MYO7B: variants seen among roughly 807,000 people sequenced by gnomAD.
The protein encoded by MYO7B is unconventional myosin-VIIb.
Under a neutral mutation model 259.7 loss-of-function variants are expected in MYO7B, and 212 were observed. The ratio of observed to expected loss-of-function variants is 0.82; its 90% CI spans 0.73 to 0.91. The LOEUF (loss-of-function observed/expected upper bound fraction) is 0.91, where lower values mean the gene tolerates loss of function less well. MYO7B is among the 40% of genes least tolerant of loss of function. The pLI is 0.00. For missense variants in MYO7B, 2,732 were observed against 2,813.5 expected, an observed-to-expected ratio of 0.97 and a Z score of 0.66; for synonymous variants, 1,197 against 1,166.4, an observed-to-expected ratio of 1.03 and a Z score of -0.54.
chr2:127,552,448 G>A (rs1044104832), intron 1 of MYO7B, among the ~76,000 whole-genome samples: 9 of 152,282 alleles, frequency 5.9e-5, no homozygotes, highest in African/African-American at 2.2e-4. Context: ...TTGTGGTGAG[G>A]AGGGGCGGTG....
Position 127,620,485 on chromosome 2 carries a change from G to T in MYO7B, c.3525+19G>T. 1 of 1,546,612 alleles carries T rather than the reference G, an allele frequency of 6.5e-7. No homozygotes were observed. Among genetic ancestry groups the T allele is most frequent in the South Asian group, 1.2e-5 (1 of 83,254 alleles). On this transcript the variant is annotated intron_variant, in intron 27 of 47. Transcript: ENST00000409816. ...CATGAAGGTGAGAGGGTTCATGAAG[G>T]GAGGGCGGGCAGGGGGCAGGTTCTG...
Position 127,559,575 on chromosome 2 carries a change from T to C in MYO7B, c.-23-125T>C. 1.2e-6 allele frequency: 1 copy of C among 833,980 alleles called. No individual in the cohort carries two copies. The highest frequency in any genetic ancestry group is 2.0e-6 in the Non-Finnish European group (1 of 492,170). The allele number at this position is 833,980 out of a possible 1,614,324, so 51.7% of individuals were successfully genotyped here. ...CATTCATCCATTTATTCAGCATTGT[T>C]TTTGAGCCAGGTCCCATGCCGGGCA... On this transcript the variant is annotated intron_variant, in intron 1 of 47. Coordinates refer to ENST00000409816, the MANE Select transcript of MYO7B (RefSeq NM_001393586.1). The surrounding 1 kb of genome is among the most constrained non-coding windows in gnomAD (Gnocchi z 4.1).
intron 9 of MYO7B, among the ~76,000 whole-genome samples, 167 bp downstream of exon 9, chr2:127,578,453 A>C (rs757232308): frequency 3.9e-5 from 6 of 152,200 alleles, no homozygotes; most frequent in Non-Finnish European, 7.3e-5. Context: ...CTCGTGAGGC[A>C]AAGGGGAAAA....
chr2:127,561,072 C>T (rs1375003233), intron 2 of MYO7B, among the ~76,000 whole-genome samples: 1 of 152,098 alleles, frequency 6.6e-6, no homozygotes, highest in Admixed American at 6.5e-5. Context: ...CACTTTGGAG[C>T]ATGATGTGGT....
In MYO7B at chr2:127,631,378, C is replaced by T. The variant is rs1007579742; in HGVS notation, c.5095+15C>T. 1.9e-6 allele frequency: 3 copies of T among 1,597,292 alleles called. No individual in the cohort carries two copies. Among genetic ancestry groups the T allele is most frequent in the Non-Finnish European group, 2.6e-6 (3 of 1,168,036 alleles). ...GATCTTTGTCGATATCCTTCCCCACCAGCCTGCCTGCACCTCGTCAATGCC... is the reference window on the plus strand; with the variant it reads ...GATCTTTGTCGATATCCTTCCCCACTAGCCTGCCTGCACCTCGTCAATGCC... On this transcript the variant is annotated intron_variant, in intron 37 of 47. Transcript: ENST00000409816.
At position 127,634,297 on chromosome 2, in the gene MYO7B, G is replaced by A. The variant is rs138667548; in HGVS notation, c.5625+8G>A. 2.9e-4 allele frequency: 454 copies of A among 1,554,392 alleles called. 3 individuals carry two copies. The East Asian group carries it at 9.6e-3, about 33-fold the overall frequency. ...ATCAAGATTTCAGACAAGGTGGGCC[G>A]GGCTGGGGCTGGGCAGACGGTGGGC... On this transcript the variant is annotated splice_region_variant and intron_variant, in intron 41 of 47. Transcript: ENST00000409816.
At position 127,613,429 on chromosome 2, in the gene MYO7B, A is replaced by G. The variant is rs911933630; in HGVS notation, c.3398+826A>G. On this transcript the variant is annotated intron_variant, in intron 26 of 47. Transcript: ENST00000409816. This position sits in a 1 kb window ranked among gnomAD's most constrained non-coding sequence, Gnocchi z 4.3. ...TAGAATTTGTATTTGTGTCTTTTTT[A>G]TATTTCTGTGCCAAGATTTCCTATT... 1.3e-5 allele frequency among the ~76,000 whole-genome samples: 2 copies of G among 152,070 alleles called. No individual in the cohort carries two copies. Among genetic ancestry groups the G allele is most frequent in the Non-Finnish European group, 2.9e-5 (2 of 67,992 alleles).
chr2:127,593,441 C>T, intron 17 of MYO7B, 105 bp from the exon 18 acceptor site: 1 of 1,156,948 alleles, frequency 8.6e-7, no homozygotes, highest in African/African-American at 1.5e-5. Context: ...GGCGGCAGCC[C>T]CTGATGGGGG....
rs1207857387 is a variant in MYO7B at position 127,546,801 on chromosome 2, CATCA to C, written c.-24+10974_-24+10977del. Among the ~76,000 whole-genome samples the C allele has an allele frequency of 6.7e-6, 1 of 149,158 alleles. No homozygotes were observed. The highest frequency in any genetic ancestry group is 1.5e-5 in the Non-Finnish European group (1 of 66,802). On this transcript the variant is annotated intron_variant, in intron 1 of 47. Coordinates refer to ENST00000409816, the MANE Select transcript of MYO7B (RefSeq NM_001393586.1). The surrounding 1 kb of genome is among the most constrained non-coding windows in gnomAD (Gnocchi z 4.2). ...CCATCCATCCATCCATCCATCCATCCATCAATCCATTCATCTGTTTGTTCATTCA... is the reference window on the plus strand; with the variant it reads ...CCATCCATCCATCCATCCATCCATCCATCCATTCATCTGTTTGTTCATTCA...
At position 127,613,666 on chromosome 2, in the gene MYO7B, C is replaced by G. The variant is rs1407197111; in HGVS notation, c.3398+1063C>G. ...AAGTCTAGTACTTTTGGGTTGTATC[C>G]TGGACATTGAGGATGATACGTTAGA... On this transcript the variant is annotated intron_variant, in intron 26 of 47. Coordinates refer to ENST00000409816, the MANE Select transcript of MYO7B (RefSeq NM_001393586.1). This position sits in a 1 kb window ranked among gnomAD's most constrained non-coding sequence, Gnocchi z 4.3. 6.6e-6 allele frequency among the ~76,000 whole-genome samples: 1 copy of G among 152,092 alleles called. No individual in the cohort carries two copies. Among genetic ancestry groups the G allele is most frequent in the Non-Finnish European group, 1.5e-5 (1 of 68,014 alleles).
Position 127,636,147 on chromosome 2 carries a change from C to G in MYO7B, c.6007-61C>G, listed in dbSNP as rs1022478378. The stretch of plus-strand genomic sequence containing the variant: ...GCCCTGGGGTAGGCAGGTGCTGCCC[C>G]CACCAGGGCTTTGGAGGGCCTCTGG... On this transcript the variant is annotated intron_variant, in intron 44 of 47. Transcript: ENST00000409816. This position sits in a 1 kb window ranked among gnomAD's most constrained non-coding sequence, Gnocchi z 4.5. 9 of 1,391,938 alleles carry G rather than the reference C, an allele frequency of 6.5e-6. No individual in the cohort carries two copies. In the South Asian group the frequency reaches 8.5e-5, roughly 13 times the overall value. The allele number at this position is 1,391,938 out of a possible 1,614,324, so 86.2% of individuals were successfully genotyped here. A position where few individuals can be genotyped will look rare whatever the true frequency, so the allele number is the denominator to read the frequency against.
At chr2:127,558,004 T>C (rs12469821) in intron 1 of MYO7B, among the ~76,000 whole-genome samples, 79,475 of 152,058 alleles carry the variant, frequency 0.52, 22,257 homozygotes, top group Admixed American at 0.64. Flanking sequence ...TGGGACTTAA[T>C]TAAACTAAAG....
At chr2:127,630,577 G>A (rs1341196802) in intron 35 of MYO7B, among the ~76,000 whole-genome samples, 2 of 152,172 alleles carry the variant, frequency 1.3e-5, no homozygotes, top group East Asian at 1.9e-4. Context: ...ACCCTCCCAA[G>A]GGAAAGGAGA....
chr2:127,630,555 C>T lies in MYO7B; in HGVS notation c.4807-223C>T, dbSNP rs543337880. On this transcript the variant is annotated intron_variant, in intron 35 of 47. Transcript: ENST00000409816. ...AGAACGGGTGATGTGGGTGCCACAGCCATTGGCACTCACCCTCCCAAGGGA... is the reference window on the plus strand; with the variant it reads ...AGAACGGGTGATGTGGGTGCCACAGTCATTGGCACTCACCCTCCCAAGGGA... Among the ~76,000 whole-genome samples, 8 of 152,216 alleles carry T rather than the reference C, an allele frequency of 5.3e-5. No homozygotes were observed. The South Asian group carries it at 1.7e-3, about 32-fold the overall frequency.
chr2:127,537,616 G>T (rs987299650), intron 1 of MYO7B, among the ~76,000 whole-genome samples: 17 of 151,986 alleles, frequency 1.1e-4, no homozygotes, highest in African/African-American at 3.9e-4. Flanking sequence ...TGGGAGGATT[G>T]CTTGAGCCCA....
intron 1 of MYO7B, among the ~76,000 whole-genome samples, chr2:127,550,852 A>T (rs1558793883): frequency 1.2e-5 from 1 of 81,514 alleles, no homozygotes; most frequent in Non-Finnish European, 2.2e-5. Flanking sequence ...AGGAGAGTGG[A>T]CGAGGATGAA....
Position 127,627,200 on chromosome 2 carries a change from G to T in MYO7B, c.4350G>T (p.Lys1450Asn). The T allele has an allele frequency of 6.2e-7, 1 of 1,609,868 alleles. No homozygotes were observed. Among genetic ancestry groups the T allele is most frequent in the South Asian group, 1.1e-5 (1 of 90,374 alleles). The change falls in exon 33 of 48, where the codon AAG (lysine) becomes AAT (asparagine). Residue 1450 changes from lysine (K) to asparagine (N), a missense_variant. By Grantham distance (94) the Lys-to-Asn change is moderately conservative. This residue lies in a region of MYO7B where 1,906 missense variants were observed against 2,026.4 expected (regional missense o/e 0.94). Transcript: ENST00000409816. This position sits in a 1 kb window ranked among gnomAD's most constrained non-coding sequence, Gnocchi z 5.6. ...CCTGGCCAGGCCCCCGCCTGCCCAA[G>T]ACGCAGCTGATCTTGGCTGTTAACT... ...VITLSGPRLP[K>N]TQLILAVNWK... is the part of the protein sequence containing the mutation.
chr2:127,591,209 G>A (rs1319753952), intron 16 of MYO7B, among the ~76,000 whole-genome samples: 4 of 152,162 alleles, frequency 2.6e-5, no homozygotes, highest in Non-Finnish European at 5.9e-5. Flanking sequence ...AATGAGGCTT[G>A]CCTTATGAAA....
Position 127,630,785 on chromosome 2 carries a change from T to G in MYO7B, c.4814T>G (p.Leu1605Arg), listed in dbSNP as rs1307529351. Reference sequence around the variant, plus strand: ...GGCCTGTGCCCCCTTCAGAGCTTGCTTGCCATGTCACCAGAGAAGAGGAAG... The same window carrying G: ...GGCCTGTGCCCCCTTCAGAGCTTGCGTGCCATGTCACCAGAGAAGAGGAAG... ...TKPSAQLLSL[L>R]AMSPEKRKLA... The change falls in exon 36 of 48, where the codon CTT becomes CGT. Residue 1605 changes from leucine (L) to arginine (R), a missense_variant. This residue lies in a region of MYO7B where 821 missense variants were observed against 769.3 expected (regional missense o/e 1.07). Coordinates refer to ENST00000409816, the MANE Select transcript of MYO7B (RefSeq NM_001393586.1). The G allele has an allele frequency of 2.5e-6, 4 of 1,612,890 alleles. No individual in the cohort carries two copies. Among genetic ancestry groups the G allele is most frequent in the Non-Finnish European group, 3.4e-6 (4 of 1,179,788 alleles).
Sources: gnomAD v4.1 joint callset for allele counts (sites outside exome capture counted in the v4.1 genomes callset) on GRCh38, gnomAD v4.1.1 for gene constraint, gnomAD v4.1.1 regional missense constraint, Gnocchi (gnomAD v3.1) non-coding constraint, MANE v1.5 for transcripts, NCBI Gene and HGNC (gene_info 2026-07-23, HGNC 2026-07-21) for gene names.